The following PRKN variants were observed in gnomAD, a reference collection of about 807,000 sequenced individuals.
PRKN encodes the protein E3 ubiquitin-protein ligase parkin.
Under a neutral mutation model 59.5 loss-of-function variants are expected in PRKN, and 56 were observed. That is an observed-to-expected ratio of 0.94 (90% CI 0.76 to 1.18). The LOEUF is 1.18. PRKN is among the 50% of genes most tolerant of loss of function. PRKN has a pLI of 0.00. For missense variants in PRKN, 657 were observed against 596.4 expected, an observed-to-expected ratio of 1.10 and a Z score of -1.06; for synonymous variants, 250 against 222.1, an observed-to-expected ratio of 1.13 and a Z score of -1.12.
intron 9 of PRKN, among the ~76,000 whole-genome samples, chr6:161,453,092 C>G (rs1021827434): frequency 6.6e-6 from 1 of 152,090 alleles, no homozygotes; most frequent in African/African-American, 2.4e-5. Flanking sequence ...TTGATAGTTG[C>G]AAATTCTAAG....
chr6:162,024,780 T>A (rs1229309716), intron 5 of PRKN, among the ~76,000 whole-genome samples: 1 of 152,156 alleles, frequency 6.6e-6, no homozygotes, highest in South Asian at 2.1e-4. Context: ...TAAGAATGAA[T>A]TTTGAGTTCA....
At chr6:162,637,206 G>A (rs1008721190) in intron 1 of PRKN, among the ~76,000 whole-genome samples, 16 of 151,826 alleles carry the variant, frequency 1.1e-4, no homozygotes, top group African/African-American at 3.6e-4. Flanking sequence ...GCAGTGGGCC[G>A]AGATCACGCC....
chr6:162,294,054 G>A (rs915597226), intron 2 of PRKN, among the ~76,000 whole-genome samples: 3 of 152,242 alleles, frequency 2.0e-5, no homozygotes, highest in South Asian at 2.1e-4. Flanking sequence ...CCAAAGTCAA[G>A]TCTTTAGGGC....
chr6:161,474,689 G>A (rs1328768989), intron 9 of PRKN, among the ~76,000 whole-genome samples: 1 of 151,918 alleles, frequency 6.6e-6, no homozygotes, highest in Non-Finnish European at 1.5e-5. Context: ...CCGCCTCGTG[G>A]GTTCACGCCA....
At chr6:161,829,038 C>T (rs1035183113) in intron 6 of PRKN, among the ~76,000 whole-genome samples, 7 of 151,888 alleles carry the variant, frequency 4.6e-5, no homozygotes, top group Non-Finnish European at 1.0e-4. Context: ...ACCAGCCTGG[C>T]CAACATGGTG....
intron 9 of PRKN, among the ~76,000 whole-genome samples, chr6:161,478,750 G>GC (rs1791247580): frequency 6.6e-6 from 1 of 152,220 alleles, no homozygotes; most frequent in Non-Finnish European, 1.5e-5. Flanking sequence ...GGAGGCTGAG[G>GC]TGGGACGATC....
Position 161,552,787 on chromosome 6 carries a change from G to GTTGTTT in PRKN, c.934-3785_934-3784insAAACAA, listed in dbSNP as rs1554275446. 1.5e-4 allele frequency among the ~76,000 whole-genome samples: 13 copies of GTTGTTT among 86,558 alleles called. No homozygotes were observed. The highest frequency in any genetic ancestry group is 1.6e-4 in the Non-Finnish European group (6 of 37,602). 56.8% of individuals were successfully genotyped at this position (86,558 alleles called of 152,430 possible). A position where few individuals can be genotyped will look rare whatever the true frequency, so the allele number is the denominator to read the frequency against. On this transcript the variant is annotated intron_variant, in intron 8 of 11. Transcript: ENST00000366898. The surrounding 1 kb of genome is among the most constrained non-coding windows in gnomAD (Gnocchi z 4.9). The stretch of plus-strand genomic sequence containing the variant: ...TAAAAGACACCATGGTTTTGTTGTT[G>GTTGTTT]TTTTTGTTTTTTGTTTTTTTTTTTT...
At chr6:162,569,303 G>A (rs1376034528) in intron 1 of PRKN, 5 of 612,108 alleles carry the variant, frequency 8.2e-6, no homozygotes, top group African/African-American at 3.6e-5. Flanking sequence ...GCAGCGTGGG[G>A]AGCTGGCCAT....
At chr6:162,064,889 T>C (rs1165031862) in intron 4 of PRKN, among the ~76,000 whole-genome samples, 1 of 152,216 alleles carries the variant, frequency 6.6e-6, no homozygotes, top group Non-Finnish European at 1.5e-5. Context: ...TTTCTCTTTG[T>C]CCCATGTGAT....
intron 6 of PRKN, among the ~76,000 whole-genome samples, chr6:161,832,195 A>T (rs1022958318): frequency 1.3e-5 from 2 of 152,250 alleles, no homozygotes; most frequent in Admixed American, 6.5e-5. Context: ...TATATTAGGG[A>T]TGCCTGATGT....
At chr6:162,572,479 T>C (rs10080795) in intron 1 of PRKN, among the ~76,000 whole-genome samples, 34,025 of 151,934 alleles carry the variant, frequency 0.22, 4,554 homozygotes, top group African/African-American at 0.37. Flanking sequence ...AATGGAGCAG[T>C]GAAGTTGTCA....
intron 6 of PRKN, among the ~76,000 whole-genome samples, chr6:161,820,580 A>G (rs987941812): frequency 4.4e-4 from 65 of 147,826 alleles, no homozygotes; most frequent in African/African-American, 1.5e-3. Flanking sequence ...TATAAAATAT[A>G]TAAACAAATA....
At chr6:161,650,041 A>T (rs1421784934) in intron 7 of PRKN, among the ~76,000 whole-genome samples, 1 of 152,162 alleles carries the variant, frequency 6.6e-6, no homozygotes, top group Non-Finnish European at 1.5e-5. Flanking sequence ...GAAGACAGCC[A>T]ACATCTACTG....
At chr6:161,539,226 T>G (rs1278318902) in intron 9 of PRKN, among the ~76,000 whole-genome samples, 2 of 152,244 alleles carry the variant, frequency 1.3e-5, no homozygotes, top group East Asian at 1.9e-4. Context: ...AAAACATCAC[T>G]GATTTGCATT....
At chr6:162,495,736 C>T (rs1213906150) in intron 1 of PRKN, among the ~76,000 whole-genome samples, 1 of 152,180 alleles carries the variant, frequency 6.6e-6, no homozygotes, top group East Asian at 1.9e-4. Context: ...TCATCTTTCC[C>T]TGATGGCACT....
At chr6:161,899,046 CTGGCTGCACAGCAGCCCT>C (rs1436816973) in intron 6 of PRKN, among the ~76,000 whole-genome samples, 2 of 152,228 alleles carry the variant, frequency 1.3e-5, no homozygotes, top group African/African-American at 2.4e-5. Flanking sequence ...AGGTTGGCAG[CTGGCTGCACAGCAGCCCT>C]TGGCTGCCTT....
At chr6:162,236,109 G>T (rs923167831) in intron 3 of PRKN, among the ~76,000 whole-genome samples, 1 of 152,090 alleles carries the variant, frequency 6.6e-6, no homozygotes, top group East Asian at 1.9e-4. Context: ...CCTAACACTG[G>T]TAAAAATGTA....
chr6:161,539,395 GCCGGACCACCAC>G (rs1779537505), intron 9 of PRKN, among the ~76,000 whole-genome samples: 1 of 149,152 alleles, frequency 6.7e-6, no homozygotes, highest in Non-Finnish European at 1.5e-5. Flanking sequence ...AGAGTGGCCA[GCCGGACCACCAC>G]CTGCATGCCT....
chr6:162,688,770 C>T (rs1404852883), intron 1 of PRKN, among the ~76,000 whole-genome samples: 1 of 152,176 alleles, frequency 6.6e-6, no homozygotes, highest in Non-Finnish European at 1.5e-5. Context: ...TGCCTATCAG[C>T]TTAATACATA....
Sources: gnomAD v4.1 joint callset for allele counts (sites outside exome capture counted in the v4.1 genomes callset) on GRCh38, gnomAD v4.1.1 for gene constraint, Gnocchi (gnomAD v3.1) non-coding constraint, MANE v1.5 for transcripts, NCBI Gene and HGNC (gene_info 2026-07-23, HGNC 2026-07-21) for gene names.